CAPRIN2: variants seen among roughly 807,000 people sequenced by gnomAD.
The protein encoded by CAPRIN2 is caprin-2.
Under a neutral mutation model 130.4 loss-of-function variants are expected in CAPRIN2, and 66 were observed. That is an observed-to-expected ratio of 0.51 (90% CI 0.42 to 0.62). The LOEUF (loss-of-function observed/expected upper bound fraction) is 0.62, where lower values mean the gene tolerates loss of function less well. CAPRIN2 is among the 20% of genes least tolerant of loss of function. The pLI, the probability that CAPRIN2 is intolerant of heterozygous loss-of-function variation, is 0.00. For synonymous variants in CAPRIN2, 471 were observed against 444.1 expected (o/e 1.06, Z -0.76); for missense variants, 1,185 against 1,246.6 (o/e 0.95, Z 0.74).
chr12:30,735,907 G>A (rs772621532), intron 3 of CAPRIN2, among the ~76,000 whole-genome samples: 8 of 152,032 alleles, frequency 5.3e-5, no homozygotes, highest in Non-Finnish European at 1.0e-4. Flanking sequence ...TTGGGAGGTC[G>A]AGGAGGGTGA....
chr12:30,754,074 CACA>C (rs200108812), exon 1 of CAPRIN2: 13,898 of 268,792 alleles, frequency 0.052, 469 homozygotes, highest in Middle Eastern at 0.11. Flanking sequence ...AATCCAAACT[CACA>C]ACATTCTTTT....
intron 3 of CAPRIN2, among the ~76,000 whole-genome samples, chr12:30,738,961 T>C (rs564016981): frequency 6.6e-6 from 1 of 152,326 alleles, no homozygotes; most frequent in South Asian, 2.1e-4. Context: ...GATGAGAGTG[T>C]AAATTAGGTC....
In CAPRIN2 at chr12:30,715,511, G is replaced by T. The variant is rs1304023123; in HGVS notation, c.2318-370C>A. 5 of 454,852 alleles carry T rather than the reference G, an allele frequency of 1.1e-5. 1 individual carries two copies. The highest frequency in any genetic ancestry group is 7.9e-5 in the South Asian group (5 of 63,568). The allele number at this position is 454,852 out of a possible 1,614,324, so 28.2% of individuals were successfully genotyped here. On this transcript the variant is annotated intron_variant, in intron 13 of 16. Coordinates refer to ENST00000298892, the Ensembl canonical transcript of CAPRIN2. ...AATGGTGGTTGCCAGGGGCTGGGGG[G>T]AGAGGAGGAGGAGGAGTTAGTATTA...
At chr12:30,747,107 A>G (rs949987037) in intron 2 of CAPRIN2, among the ~76,000 whole-genome samples, 1 of 152,216 alleles carries the variant, frequency 6.6e-6, no homozygotes, top group African/African-American at 2.4e-5. Flanking sequence ...GACTCATGCT[A>G]AATCTACTCT....
At chr12:30,754,383 C>T (rs116979159) in exon 1 of CAPRIN2, 3,686 of 153,132 alleles carry the variant, frequency 0.024, 68 homozygotes, top group Non-Finnish European at 0.031. Flanking sequence ...TTTCTCCCCC[C>T]TTAGGAGCAT....
intron 9 of CAPRIN2, 104 bp from the exon 11 acceptor site, chr12:30,724,555 A>G (rs2060340415): frequency 1.3e-6 from 1 of 750,864 alleles, no homozygotes; most frequent in Non-Finnish European, 2.3e-6. Flanking sequence ...TTAGCTACAC[A>G]TAAATATCTA....
At chr12:30,743,746 A>G (rs1252155667) in intron 2 of CAPRIN2, among the ~76,000 whole-genome samples, 4 of 152,182 alleles carry the variant, frequency 2.6e-5, no homozygotes, top group African/African-American at 9.7e-5. Flanking sequence ...TAATAAGCAC[A>G]CCGCATTTTT....
exon 1 of CAPRIN2, chr12:30,753,411 T>A: frequency 6.2e-7 from 1 of 1,614,032 alleles, no homozygotes; most frequent in Non-Finnish European, 8.5e-7. Flanking sequence ...ATAGGTCTCA[T>A]ACGCTTGGGA....
intron 2 of CAPRIN2, among the ~76,000 whole-genome samples, chr12:30,742,010 A>C (rs1406342877): frequency 6.6e-6 from 1 of 152,176 alleles, no homozygotes; most frequent in Non-Finnish European, 1.5e-5. Flanking sequence ...GATAAACCTC[A>C]AAAATATGCT....
chr12:30,720,888 A>C, exon 12 of CAPRIN2: 1 of 1,613,486 alleles, frequency 6.2e-7, no homozygotes, highest in African/African-American at 1.3e-5. Context: ...CAAGCATTTG[A>C]GCTACAAGTA....
Position 30,710,280 on chromosome 12 carries a change from T to C in CAPRIN2, c.2856A>G (p.Ala952=). ...CAGGGGCCAGATTAGAGGTTCTGGC[T>C]GCTGAGAAGGCAACTCGCATCTGCT... The change falls in exon 17 of 17, where the codon GCA becomes GCG. Residue 952 remains alanine, a synonymous_variant. Coordinates refer to ENST00000298892, the Ensembl canonical transcript of CAPRIN2. This position sits in a 1 kb window ranked among gnomAD's most constrained non-coding sequence, Gnocchi z 4.8. 6.2e-7 allele frequency: 1 copy of C among 1,614,218 alleles called. No homozygotes were observed. Among genetic ancestry groups the C allele is most frequent in the Admixed American group, 1.7e-5 (1 of 60,022 alleles).
At chr12:30,741,075 T>TGTA in exon 3 of CAPRIN2, 1 of 1,611,280 alleles carries the variant, frequency 6.2e-7, no homozygotes, top group Non-Finnish European at 8.5e-7. Context: ...TTCCAAATTA[T>TGTA]GTAGCACTTC....
At position 30,722,920 on chromosome 12, in the gene CAPRIN2, C is replaced by A. The variant is rs530048052; in HGVS notation, c.2043+339G>T. On this transcript the variant is annotated intron_variant, in intron 11 of 16. Coordinates refer to ENST00000298892, the Ensembl canonical transcript of CAPRIN2. The stretch of plus-strand genomic sequence containing the variant: ...CTCTGTCTCAATAAAACAACAACAA[C>A]AAAAATTAATTTCTTTCTTCAGACA... 9.9e-5 allele frequency among the ~76,000 whole-genome samples: 15 copies of A among 152,032 alleles called. 1 individual carries two copies. The highest frequency in any genetic ancestry group is 2.1e-4 in the Non-Finnish European group (14 of 67,976).
rs1024935569 is a variant in CAPRIN2 at position 30,722,253 on chromosome 12, CATG to C, written c.2043+1003_2043+1005del. 5.3e-4 allele frequency among the ~76,000 whole-genome samples: 80 copies of C among 152,272 alleles called. 2 individuals are homozygous for C. Among genetic ancestry groups the C allele is most frequent in the Admixed American group, 4.4e-3 (67 of 15,298 alleles). ...TGGAGGTGGGTTATTGGTGAATAAACATGATATTTGAAACCAATGTTCCAAAAA... is the reference window on the plus strand; with the variant it reads ...TGGAGGTGGGTTATTGGTGAATAAACATATTTGAAACCAATGTTCCAAAAA... On this transcript the variant is annotated intron_variant, in intron 11 of 16. Transcript: ENST00000298892.
exon 8 of CAPRIN2, chr12:30,728,703 C>T (rs1361786704): frequency 6.2e-7 from 1 of 1,613,888 alleles, no homozygotes; most frequent in Admixed American, 1.7e-5. Context: ...TGGTATGAGG[C>T]TTGCTGTAGC....
intron 4 of CAPRIN2, among the ~76,000 whole-genome samples, 196 bp from the exon 6 acceptor site, chr12:30,733,907 A>C (rs1001494766): frequency 5.9e-5 from 9 of 152,204 alleles, no homozygotes; most frequent in South Asian, 2.1e-4. Context: ...AAATGTAAGA[A>C]TTTTTCCTTA....
intron 15 of CAPRIN2, among the ~76,000 whole-genome samples, chr12:30,713,149 T>C (rs747339877): frequency 1.3e-4 from 20 of 152,198 alleles, no homozygotes; most frequent in Non-Finnish European, 5.9e-5. Context: ...CTCAGTATGG[T>C]ACCATACACA....
chr12:30,730,316 G>A, intron 6 of CAPRIN2, 34 bp from the exon 8 acceptor site: 1 of 1,486,912 alleles, frequency 6.7e-7, no homozygotes, highest in South Asian at 1.1e-5. Flanking sequence ...ATAAATACTA[G>A]GTGAACTGTA....
intron 16 of CAPRIN2, among the ~76,000 whole-genome samples, chr12:30,711,276 G>A (rs952757999): frequency 6.6e-6 from 1 of 152,172 alleles, no homozygotes; most frequent in Non-Finnish European, 1.5e-5. Context: ...ATCATCACAT[G>A]AAAAATATTC....
Sources: allele counts gnomAD v4.1 joint callset (sites outside exome capture counted in the v4.1 genomes callset), GRCh38; gene constraint gnomAD v4.1.1; non-coding constraint Gnocchi (gnomAD v3.1); transcripts MANE v1.5; gene names NCBI Gene and HGNC (gene_info 2026-07-23, HGNC 2026-07-21).